The following GAB1 variants were observed in gnomAD, a reference collection of about 807,000 sequenced individuals.
The protein encoded by GAB1 is GRB2 associated binding protein 1, also known as GRB2-associated-binding protein 1.
Under a neutral mutation model 66.5 loss-of-function variants are expected in GAB1, and 19 were observed. That is an observed-to-expected ratio of 0.29 (90% CI 0.20 to 0.42). GAB1 has a LOEUF of 0.42. Among genes scored for constraint, GAB1 ranks in the 10% least tolerant of loss-of-function variants. GAB1 has a pLI of 1.00. For synonymous variants in GAB1, 294 were observed against 301.4 expected (o/e 0.98, Z 0.25); for missense variants, 732 against 858.5 (o/e 0.85, Z 1.84).
intron 2 of GAB1, among the ~76,000 whole-genome samples, chr4:143,419,666 C>T (rs145214621): frequency 1.3e-5 from 2 of 152,192 alleles, no homozygotes; most frequent in African/African-American, 4.8e-5. Context: ...TCTGCCAATA[C>T]GTTCTACATT....
intron 1 of GAB1, among the ~76,000 whole-genome samples, chr4:143,386,620 T>A (rs1272336875): frequency 6.6e-6 from 1 of 152,172 alleles, no homozygotes; most frequent in Non-Finnish European, 1.5e-5. Context: ...ACTTCTGGGC[T>A]CAAGCAATCC....
intron 7 of GAB1, 27 bp from the exon 8 acceptor site, chr4:143,460,337 G>A (rs894312181): frequency 1.2e-6 from 2 of 1,611,762 alleles, no homozygotes; most frequent in African/African-American, 2.7e-5. Flanking sequence ...CAAGGCTTAT[G>A]TTTGTGATGA....
intron 1 of GAB1, chr4:143,395,890 C>A: frequency 2.2e-6 from 1 of 455,000 alleles, no homozygotes; most frequent in Non-Finnish European, 4.4e-6. Flanking sequence ...ATGGACCGCC[C>A]CCCGCCCCCG....
chr4:143,431,291 G>A (rs1370177210), intron 2 of GAB1, among the ~76,000 whole-genome samples: 1 of 152,090 alleles, frequency 6.6e-6, no homozygotes, highest in African/African-American at 2.4e-5. Context: ...TTAATTTCTG[G>A]GGTTTCATGA....
intron 1 of GAB1, among the ~76,000 whole-genome samples, chr4:143,357,123 C>T (rs1376315568): frequency 6.6e-6 from 1 of 152,124 alleles, no homozygotes; most frequent in Non-Finnish European, 1.5e-5. Flanking sequence ...GTGAGTCTAG[C>T]TGGAGAACCT....
At chr4:143,378,202 GAGGAAAAGTAGTTTT>G (rs1730496112) in intron 1 of GAB1, among the ~76,000 whole-genome samples, 2 of 152,328 alleles carry the variant, frequency 1.3e-5, no homozygotes, top group East Asian at 3.9e-4. Context: ...GGTTGCTTTT[GAGGAAAAGTAGTTTT>G]AAAGAGACTT....
chr4:143,350,051 C>T (rs925482246), intron 1 of GAB1: 6 of 1,535,186 alleles, frequency 3.9e-6, no homozygotes, highest in East Asian at 2.3e-5. Flanking sequence ...CGGAAGCCAC[C>T]GCGGTTCCCC....
chr4:143,353,342 G>A (rs907316391), intron 1 of GAB1, among the ~76,000 whole-genome samples: 2 of 152,186 alleles, frequency 1.3e-5, no homozygotes, highest in Non-Finnish European at 2.9e-5. Flanking sequence ...GACTGAAGAA[G>A]CTCTCTTGCT....
chr4:143,455,508 G>A (rs561560544), intron 6 of GAB1, among the ~76,000 whole-genome samples: 1 of 152,294 alleles, frequency 6.6e-6, no homozygotes, highest in South Asian at 2.1e-4. Flanking sequence ...AAAAAATCAG[G>A]AGGGAGCTGG....
intron 1 of GAB1, among the ~76,000 whole-genome samples, chr4:143,338,136 G>A (rs1467819518): frequency 6.6e-6 from 1 of 152,206 alleles, no homozygotes; most frequent in Non-Finnish European, 1.5e-5. Context: ...TTCCTTGAAA[G>A]TATCAACCTT....
intron 3 of GAB1, chr4:143,433,999 GTTACAGACTCACAGTA>G (rs1323913444): frequency 1.9e-5 from 14 of 750,644 alleles, no homozygotes; most frequent in African/African-American, 5.3e-5. Context: ...TGTAGTCTTT[GTTACAGACTCACAGTA>G]TTACTTGCTT....
intron 2 of GAB1, among the ~76,000 whole-genome samples, chr4:143,418,506 G>C (rs1433693586): frequency 1.3e-5 from 2 of 151,990 alleles, no homozygotes; most frequent in Non-Finnish European, 2.9e-5. Flanking sequence ...ATTATGTGAT[G>C]GATTTTCAGT....
intron 1 of GAB1, among the ~76,000 whole-genome samples, chr4:143,367,225 C>G (rs1349028891): frequency 2.0e-5 from 3 of 151,972 alleles, no homozygotes; most frequent in African/African-American, 7.3e-5. Flanking sequence ...AGGATAACTA[C>G]ATTTTGGGAG....
intron 1 of GAB1, among the ~76,000 whole-genome samples, chr4:143,382,329 A>G (rs950153766): frequency 1.3e-5 from 2 of 152,226 alleles, no homozygotes; most frequent in Non-Finnish European, 2.9e-5. Context: ...GGGATTATTC[A>G]GTCTATATAT....
At chr4:143,456,700 G>A (rs532045652) in intron 6 of GAB1, among the ~76,000 whole-genome samples, 13 of 152,144 alleles carry the variant, frequency 8.5e-5, no homozygotes, top group African/African-American at 2.9e-4. Flanking sequence ...CTTAGATTTC[G>A]ATAGGTAAGG....
At chr4:143,384,655 G>A (rs1035135075) in intron 1 of GAB1, among the ~76,000 whole-genome samples, 2 of 152,220 alleles carry the variant, frequency 1.3e-5, no homozygotes, top group Admixed American at 6.5e-5. Context: ...CCTGGAGAGG[G>A]GAGAGCTCTT....
chr4:143,414,896 T>C (rs1207635009), intron 1 of GAB1, among the ~76,000 whole-genome samples: 2 of 152,166 alleles, frequency 1.3e-5, no homozygotes, highest in Non-Finnish European at 2.9e-5. Context: ...ATTGCAACCA[T>C]GGCCACCATC....
chr4:143,457,747 T>A, intron 6 of GAB1: 2 of 1,576,186 alleles, frequency 1.3e-6, no homozygotes, highest in Non-Finnish European at 8.6e-7. Flanking sequence ...AAACCATAGG[T>A]GACTTTGCTA....
At chr4:143,398,830 C>T (rs151227673) in intron 1 of GAB1, among the ~76,000 whole-genome samples, 1 of 152,108 alleles carries the variant, frequency 6.6e-6, no homozygotes, top group Non-Finnish European at 1.5e-5. Context: ...GAAGCTGAGG[C>T]AGGAGGATCG....
Sources: gnomAD v4.1 joint callset for allele counts (sites outside exome capture counted in the v4.1 genomes callset) on GRCh38, gnomAD v4.1.1 for gene constraint, MANE v1.5 for transcripts, NCBI Gene and HGNC (gene_info 2026-07-23, HGNC 2026-07-21) for gene names.